Variants in UBE2E1 observed in about 807,000 individuals in gnomAD.
UBE2E1 encodes ubiquitin conjugating enzyme E2 E1.
UBE2E1 carries 6 observed loss-of-function variants against 21.4 expected under a neutral mutation model. That is an observed-to-expected ratio of 0.28 (90% confidence interval 0.15 to 0.55). The LOEUF is 0.55. Ranked by LOEUF, UBE2E1 falls within the 20% of genes least tolerant of loss-of-function variation. UBE2E1 has a pLI of 0.93. For missense variants in UBE2E1, 142 were observed against 236.5 expected (o/e 0.60, Z 2.62); for synonymous variants, 87 against 82.7 (o/e 1.05, Z -0.28).
chr3:23,815,667 AG>A (rs1699499207), intron 3 of UBE2E1, among the ~76,000 whole-genome samples: 1 of 152,240 alleles, frequency 6.6e-6, no homozygotes, highest in South Asian at 2.1e-4. Context: ...TTCTTGCAAC[AG>A]TGGAGTGTTA....
At chr3:23,878,503 A>AT (rs1700967472) in intron 3 of UBE2E1, among the ~76,000 whole-genome samples, 1 of 152,240 alleles carries the variant, frequency 6.6e-6, no homozygotes, top group Non-Finnish European at 1.5e-5. Flanking sequence ...AACCACGCAC[A>AT]TAACAGATGA....
intron 3 of UBE2E1, among the ~76,000 whole-genome samples, chr3:23,815,514 G>A (rs1699496520): frequency 1.3e-5 from 2 of 152,230 alleles, no homozygotes; most frequent in South Asian, 4.1e-4. Flanking sequence ...TTAGCACTTT[G>A]TATACTTCCA....
chr3:23,831,532 T>TTG (rs1370382915), intron 3 of UBE2E1, among the ~76,000 whole-genome samples: 2 of 151,038 alleles, frequency 1.3e-5, no homozygotes, highest in Admixed American at 6.6e-5. Flanking sequence ...TTTTTTTTTT[T>TTG]TCGAGACATG....
chr3:23,889,054 A>T (rs1701275356), intron 4 of UBE2E1, 58 bp from the exon 5 acceptor site: 2 of 1,524,180 alleles, frequency 1.3e-6, no homozygotes, highest in African/African-American at 2.8e-5. Flanking sequence ...ATTCAGTTGA[A>T]TATTTAGTAA....
At chr3:23,850,349 A>T (rs973633980) in intron 3 of UBE2E1, among the ~76,000 whole-genome samples, 11 of 151,864 alleles carry the variant, frequency 7.2e-5, no homozygotes, top group African/African-American at 2.7e-4. Context: ...TAGATACATG[A>T]TTTACAAGTG....
At chr3:23,831,697 CT>C (rs11332707) in intron 3 of UBE2E1, among the ~76,000 whole-genome samples, 108,792 of 141,398 alleles carry the variant, frequency 0.77, 42,496 homozygotes, top group African/African-American at 0.9. Flanking sequence ...TTTTGTATTT[CT>C]TTTTTTTTTT....
intron 3 of UBE2E1, among the ~76,000 whole-genome samples, chr3:23,839,111 A>T (rs995193644): frequency 3.3e-5 from 5 of 152,132 alleles, no homozygotes; most frequent in Non-Finnish European, 7.4e-5. Context: ...TCTGCATGTT[A>T]TAAACCCCAA....
Position 23,816,444 on chromosome 3 carries a change from C to T in UBE2E1, c.203+4934C>T, listed in dbSNP as rs996381660. Among the ~76,000 whole-genome samples the T allele has an allele frequency of 4.6e-5, 7 of 152,144 alleles. No homozygotes were observed. Among genetic ancestry groups the T allele is most frequent in the South Asian group, 2.1e-4 (1 of 4,824 alleles). ...TAAGTGGGCTGGGCGCAGTGGATTACGCTTGTAATCCCAGCACTTTGGGAG... is the reference window on the plus strand; with the variant it reads ...TAAGTGGGCTGGGCGCAGTGGATTATGCTTGTAATCCCAGCACTTTGGGAG... On this transcript the variant is annotated intron_variant, in intron 3 of 5. Transcript: ENST00000306627. The surrounding 1 kb of genome is among the most constrained non-coding windows in gnomAD (Gnocchi z 4.8).
intron 2 of UBE2E1, chr3:23,807,858 G>A (rs991167121): frequency 6.5e-6 from 1 of 153,350 alleles, no homozygotes; most frequent in Admixed American, 6.5e-5. Flanking sequence ...TTTCTAAATA[G>A]AGCTTTCTTC....
At chr3:23,845,583 C>CTGTGTGTGTGTGTGTGTGTG (rs768414328) in intron 3 of UBE2E1, among the ~76,000 whole-genome samples, 14 of 48,880 alleles carry the variant, frequency 2.9e-4, no homozygotes, top group East Asian at 1.1e-3. Context: ...CTCTCTCTCT[C>CTGTGTGTGTGTGTGTGTGTG]TCTCTCTGTG....
At chr3:23,849,015 A>T (rs1404576807) in intron 3 of UBE2E1, among the ~76,000 whole-genome samples, 5 of 152,302 alleles carry the variant, frequency 3.3e-5, no homozygotes, top group African/African-American at 9.6e-5. Context: ...TACCATGTTT[A>T]TCCATATGGT....
intron 3 of UBE2E1, among the ~76,000 whole-genome samples, chr3:23,829,339 T>C (rs867261138): frequency 7.8e-4 from 101 of 130,282 alleles, no homozygotes; most frequent in Admixed American, 2.0e-3. Context: ...TTTTTTTTTT[T>C]AATAGAGACA....
chr3:23,847,462 T>A (rs1330233752), intron 3 of UBE2E1, among the ~76,000 whole-genome samples: 2 of 151,728 alleles, frequency 1.3e-5, no homozygotes, highest in African/African-American at 4.8e-5. Context: ...ATATATTTCA[T>A]ATCTGTGTGT....
At chr3:23,854,243 C>CAAAA (rs754330255) in intron 3 of UBE2E1, among the ~76,000 whole-genome samples, 5 of 55,640 alleles carry the variant, frequency 9.0e-5, no homozygotes, top group Admixed American at 1.8e-4. Flanking sequence ...GACTCAGTCT[C>CAAAA]AAAAAAAAAA....
At chr3:23,867,191 T>C (rs1288820853) in intron 3 of UBE2E1, among the ~76,000 whole-genome samples, 1 of 152,198 alleles carries the variant, frequency 6.6e-6, no homozygotes, top group Non-Finnish European at 1.5e-5. Flanking sequence ...AAATGTTACC[T>C]TTCCTGATTC....
intron 3 of UBE2E1, among the ~76,000 whole-genome samples, chr3:23,812,507 T>C (rs1049415317): frequency 6.6e-6 from 1 of 152,184 alleles, no homozygotes; most frequent in African/African-American, 2.4e-5. Flanking sequence ...TGGAAACTAA[T>C]TAGTGGATTA....
intron 3 of UBE2E1, among the ~76,000 whole-genome samples, chr3:23,885,802 T>A (rs1020693236): frequency 2.6e-5 from 4 of 152,068 alleles, no homozygotes; most frequent in African/African-American, 7.2e-5. Context: ...GGAGGTTGCA[T>A]TGAGCCGAGA....
At chr3:23,827,749 G>GA (rs1699788373) in intron 3 of UBE2E1, among the ~76,000 whole-genome samples, 1 of 152,068 alleles carries the variant, frequency 6.6e-6, no homozygotes, top group Non-Finnish European at 1.5e-5. Context: ...TTTTTCATTG[G>GA]AATTGCCATC....
intron 3 of UBE2E1, among the ~76,000 whole-genome samples, chr3:23,877,843 C>T (rs1700947863): frequency 6.6e-6 from 1 of 152,198 alleles, no homozygotes; most frequent in Non-Finnish European, 1.5e-5. Context: ...TTTTACGAAA[C>T]ATTAGTCATT....
Sources: allele counts gnomAD v4.1 joint callset (sites outside exome capture counted in the v4.1 genomes callset), GRCh38; gene constraint gnomAD v4.1.1; non-coding constraint Gnocchi (gnomAD v3.1); transcripts MANE v1.5; gene names NCBI Gene and HGNC (gene_info 2026-07-23, HGNC 2026-07-21).